The following PDE4B variants were observed in gnomAD, a reference collection of about 807,000 sequenced individuals.
The protein encoded by PDE4B is 3',5'-cyclic-AMP phosphodiesterase 4B.
In PDE4B, 20 loss-of-function variants were observed where a neutral mutation model predicts 82.2. The ratio of observed to expected loss-of-function variants is 0.24; its 90% confidence interval spans 0.17 to 0.35. PDE4B has a LOEUF of 0.35. Ranked by LOEUF, PDE4B falls within the 10% of genes least tolerant of loss-of-function variation. PDE4B has a pLI of 1.00. For missense variants in PDE4B, 655 were observed against 907.2 expected, an observed-to-expected ratio of 0.72 and a Z score of 3.57; for synonymous variants, 320 against 318.9, an observed-to-expected ratio of 1.00 and a Z score of -0.04.
chr1:65,802,299 A>G (rs1645702581), intron 1 of PDE4B, among the ~76,000 whole-genome samples: 1 of 152,106 alleles, frequency 6.6e-6, no homozygotes, highest in Non-Finnish European at 1.5e-5. Flanking sequence ...TGAAAGTGTC[A>G]CCAGTTTTCT....
intron 7 of PDE4B, among the ~76,000 whole-genome samples, chr1:66,285,525 A>G (rs1656614629): frequency 6.6e-6 from 1 of 152,062 alleles, no homozygotes; most frequent in Admixed American, 6.6e-5. Flanking sequence ...AGTCTCCAAC[A>G]GCCATTATTT....
chr1:66,317,449 C>A (rs570605253), intron 7 of PDE4B, among the ~76,000 whole-genome samples: 1 of 152,278 alleles, frequency 6.6e-6, no homozygotes, highest in African/African-American at 2.4e-5. Context: ...CTATGCTTAT[C>A]CCTTCTTAAT....
chr1:66,106,174 C>T (rs917567206), intron 3 of PDE4B, among the ~76,000 whole-genome samples: 9 of 152,126 alleles, frequency 5.9e-5, no homozygotes, highest in African/African-American at 1.9e-4. Flanking sequence ...TGTCAAAGGC[C>T]TTTTCTGCAT....
At chr1:65,906,518 C>CT (rs1327350395) in intron 1 of PDE4B, among the ~76,000 whole-genome samples, 1 of 151,832 alleles carries the variant, frequency 6.6e-6, no homozygotes, top group African/African-American at 2.4e-5. Context: ...TCAGTGATTA[C>CT]TTTTTTTTAG....
intron 3 of PDE4B, among the ~76,000 whole-genome samples, chr1:66,124,982 C>T (rs138839542): frequency 3.3e-4 from 50 of 151,682 alleles, no homozygotes; most frequent in African/African-American, 1.1e-3. Context: ...GGCTGGTTCT[C>T]ACCTTGCACC....
chr1:66,096,525 T>TATATATATATATATA (rs1645122944), intron 3 of PDE4B, among the ~76,000 whole-genome samples: 1 of 142,496 alleles, frequency 7.0e-6, no homozygotes, highest in East Asian at 2.0e-4. Flanking sequence ...TATATATATA[T>TATATATATATATATA]ATATATATAT....
chr1:66,211,769 T>A (rs1650070044), intron 3 of PDE4B, among the ~76,000 whole-genome samples: 2 of 152,206 alleles, frequency 1.3e-5, no homozygotes, highest in Admixed American at 6.5e-5. Context: ...AAATTTTTAA[T>A]CCCAACTTTG....
intron 3 of PDE4B, among the ~76,000 whole-genome samples, chr1:66,201,580 G>A (rs1084484): frequency 0.45 from 63,353 of 141,330 alleles, 15,009 homozygotes; most frequent in African/African-American, 0.52. Context: ...TTGGGAGGGC[G>A]TATGTGTCGA....
chr1:66,330,735 C>G, intron 7 of PDE4B: 1 of 983,162 alleles, frequency 1.0e-6, no homozygotes, highest in Non-Finnish European at 1.2e-6. Context: ...CTTCTGGAAG[C>G]AAACAGAGGA....
intron 3 of PDE4B, among the ~76,000 whole-genome samples, chr1:66,128,775 G>A (rs1408028133): frequency 6.6e-6 from 1 of 152,190 alleles, no homozygotes; most frequent in Non-Finnish European, 1.5e-5. Flanking sequence ...GGCAGAAGGT[G>A]AAAGGTACGT....
intron 1 of PDE4B, 71 bp from the exon 2 acceptor site, chr1:65,913,174 A>G: frequency 3.2e-6 from 2 of 617,072 alleles, no homozygotes; most frequent in Non-Finnish European, 5.8e-6. Flanking sequence ...ATGTTAATTT[A>G]GAGAGTATGC....
chr1:65,910,039 T>A (rs949747606), intron 1 of PDE4B, among the ~76,000 whole-genome samples: 2 of 152,234 alleles, frequency 1.3e-5, no homozygotes, highest in African/African-American at 4.8e-5. Context: ...GTTCTGGTCT[T>A]AACCAGTAGA....
chr1:66,265,929 G>A, intron 6 of PDE4B, 109 bp from the exon 7 acceptor site: 1 of 792,658 alleles, frequency 1.3e-6, no homozygotes, highest in Non-Finnish European at 2.2e-6. Flanking sequence ...TCACTACATA[G>A]TTCATTATGA....
intron 3 of PDE4B, among the ~76,000 whole-genome samples, chr1:66,082,470 G>A (rs1016410924): frequency 6.6e-6 from 1 of 152,006 alleles, no homozygotes; most frequent in African/African-American, 2.4e-5. Flanking sequence ...ATTTCCTTGA[G>A]TAAGTGTATA....
rs145874982 is a variant in PDE4B at position 66,152,081 on chromosome 1, T to G, written c.282-95379T>G. ...AAAAATAGAAATGATAAAAATCTGT[T>G]TAGATGACATCTTTTAAGAAAATAC... On this transcript the variant is annotated intron_variant, in intron 3 of 16. Transcript: ENST00000341517. 4.1e-3 allele frequency among the ~76,000 whole-genome samples: 622 copies of G among 152,336 alleles called. 3 individuals carry two copies. The highest frequency in any genetic ancestry group is 0.014 in the African/African-American group (601 of 41,580).
chr1:65,815,330 T>C (rs924453983), intron 1 of PDE4B, among the ~76,000 whole-genome samples: 2 of 152,120 alleles, frequency 1.3e-5, no homozygotes, highest in South Asian at 2.1e-4. Context: ...GGAAGCCATA[T>C]AGATGATTAA....
At chr1:66,177,411 G>A (rs1284185251) in intron 3 of PDE4B, among the ~76,000 whole-genome samples, 1 of 152,202 alleles carries the variant, frequency 6.6e-6, no homozygotes, top group Non-Finnish European at 1.5e-5. Context: ...GTGTGTTAGA[G>A]AGAGTTGTAA....
chr1:66,211,239 C>G (rs1650026085), intron 3 of PDE4B, among the ~76,000 whole-genome samples: 1 of 152,170 alleles, frequency 6.6e-6, no homozygotes, highest in Non-Finnish European at 1.5e-5. Flanking sequence ...TATCCAGGTG[C>G]AACTTATTTG....
chr1:66,158,294 A>G (rs888534242), intron 3 of PDE4B, among the ~76,000 whole-genome samples: 1 of 152,208 alleles, frequency 6.6e-6, no homozygotes, highest in Non-Finnish European at 1.5e-5. Flanking sequence ...AGAAAAGGTA[A>G]CTTGCAAACT....
Sources: allele counts gnomAD v4.1 joint callset (sites outside exome capture counted in the v4.1 genomes callset), GRCh38; gene constraint gnomAD v4.1.1; transcripts MANE v1.5; gene names NCBI Gene and HGNC (gene_info 2026-07-23, HGNC 2026-07-21).